Variants in TK2 observed in about 807,000 individuals in gnomAD.
The protein encoded by TK2 is thymidine kinase 2, mitochondrial.
In TK2, 35 loss-of-function variants were observed where a neutral mutation model predicts 41.9. The ratio of observed to expected loss-of-function variants is 0.84; its 90% confidence interval spans 0.64 to 1.11. The LOEUF (loss-of-function observed/expected upper bound fraction) is 1.11. Among genes scored for constraint, TK2 ranks in the 50% least tolerant of loss-of-function variants. The pLI is 0.00. For missense variants in TK2, 320 were observed against 351.1 expected, an observed-to-expected ratio of 0.91 and a Z score of 0.71; for synonymous variants, 128 against 129.1, an observed-to-expected ratio of 0.99 and a Z score of 0.06.
In TK2 at chr16:66,528,863, C is replaced by T. The variant is rs567502208; in HGVS notation, c.449+131G>A. 160 of 847,504 alleles carry T rather than the reference C, an allele frequency of 1.9e-4. 1 individual carries two copies. The South Asian group carries it at 2.2e-3, about 12-fold the overall frequency. The allele number at this position is 847,504 out of a possible 1,614,324, so 52.5% of individuals were successfully genotyped here. A position where few individuals can be genotyped will look rare whatever the true frequency, so the allele number is the denominator to read the frequency against. On this transcript the variant is annotated intron_variant, in intron 6 of 9. Coordinates refer to ENST00000544898, the MANE Select transcript of TK2 (RefSeq NM_004614.5). ...GAGGATTCGTGGCTGTTTGTTACACCGCATTGCTATGGCAATGGATAACTG... is the reference window on the plus strand; with the variant it reads ...GAGGATTCGTGGCTGTTTGTTACACTGCATTGCTATGGCAATGGATAACTG...
intron 5 of TK2, among the ~76,000 whole-genome samples, chr16:66,531,160 C>G (rs555011251): frequency 1.3e-5 from 2 of 152,282 alleles, no homozygotes; most frequent in East Asian, 3.9e-4. Context: ...AGAATGGTGG[C>G]AGGGGCACCA....
chr16:66,540,425 A>G (rs1597104808), intron 3 of TK2, among the ~76,000 whole-genome samples: 1 of 152,034 alleles, frequency 6.6e-6, no homozygotes, highest in African/African-American at 2.4e-5. Flanking sequence ...CTCCCCCTTC[A>G]GCCTCCTAAA....
At chr16:66,527,869 A>G (rs376951329) in intron 6 of TK2, among the ~76,000 whole-genome samples, 85 of 152,132 alleles carry the variant, frequency 5.6e-4, no homozygotes, top group African/African-American at 1.8e-3. Flanking sequence ...GCCTCTACTA[A>G]AAATACAAAA....
intron 6 of TK2, chr16:66,525,012 G>C (rs1033692173): frequency 2.0e-5 from 3 of 152,264 alleles, no homozygotes; most frequent in Admixed American, 6.5e-5. Context: ...GTTCCTGCCC[G>C]ATCAGGAAGG....
intron 6 of TK2, among the ~76,000 whole-genome samples, chr16:66,528,317 G>A (rs1964998167): frequency 2.0e-5 from 3 of 152,214 alleles, no homozygotes; most frequent in African/African-American, 7.2e-5. Flanking sequence ...CCATGCCTGA[G>A]CCCTTGGCAC....
chr16:66,527,947 G>C (rs1013298807), intron 6 of TK2, among the ~76,000 whole-genome samples: 1 of 152,164 alleles, frequency 6.6e-6, no homozygotes, highest in African/African-American at 2.4e-5. Context: ...CAGGACGATG[G>C]CTTGAGCCTG....
chr16:66,527,719 C>A (rs549144005), intron 6 of TK2, among the ~76,000 whole-genome samples: 2 of 152,100 alleles, frequency 1.3e-5, no homozygotes, highest in African/African-American at 4.8e-5. Flanking sequence ...AGAAAACTAA[C>A]AGAAAGTAGT....
Position 66,508,353 on chromosome 16 carries a change from AGT to A in TK2, c.*3613_*3614del, listed in dbSNP as rs1335920339. ...GGGGATGGGATTATTAGGAAAAGAA[AGT>A]GTGTGCCAGTAACCCTGAGGCCTTC... On this transcript the variant is annotated 3_prime_UTR_variant, in exon 10 of 10. Coordinates refer to ENST00000544898, the MANE Select transcript of TK2 (RefSeq NM_004614.5). The A allele has an allele frequency of 6.6e-6, 1 of 152,282 alleles. No individual in the cohort carries two copies. Among genetic ancestry groups the A allele is most frequent in the Non-Finnish European group, 1.5e-5 (1 of 68,060 alleles). 9.4% of individuals were successfully genotyped at this position (152,282 alleles called of 1,614,324 possible).
intron 6 of TK2, among the ~76,000 whole-genome samples, chr16:66,528,123 G>C (rs899522834): frequency 6.6e-6 from 1 of 152,132 alleles, no homozygotes; most frequent in Non-Finnish European, 1.5e-5. Context: ...TGGGAGACAG[G>C]GTGGCATTTA....
chr16:66,524,613 C>T (rs1454637052), intron 6 of TK2, among the ~76,000 whole-genome samples: 2 of 152,164 alleles, frequency 1.3e-5, no homozygotes, highest in African/African-American at 4.8e-5. Flanking sequence ...GCTGGGATTA[C>T]AAGTATAAGC....
intron 4 of TK2, among the ~76,000 whole-genome samples, chr16:66,532,263 C>T (rs1277115597): frequency 1.3e-5 from 2 of 151,896 alleles, no homozygotes; most frequent in Admixed American, 1.3e-4. Flanking sequence ...AGTGAACAAC[C>T]TGAGAAAGAA....
intron 2 of TK2, chr16:66,547,975 G>T: frequency 7.8e-7 from 1 of 1,288,724 alleles, no homozygotes; most frequent in Non-Finnish European, 1.0e-6. Flanking sequence ...GCTCACACTT[G>T]TCATCACAGC....
chr16:66,533,335 C>CAAAA (rs57612451), intron 4 of TK2, among the ~76,000 whole-genome samples: 4 of 45,074 alleles, frequency 8.9e-5, no homozygotes, highest in African/African-American at 2.1e-4. Context: ...GACTCCATCT[C>CAAAA]AAAAAAAAAA....
Position 66,509,279 on chromosome 16 carries a change from C to A in TK2, c.*2689G>T. On this transcript the variant is annotated 3_prime_UTR_variant, in exon 10 of 10. Transcript: ENST00000544898. ...CAGTCAGGCCCCAGAGGAAGGAAGCCAGGAGCCAAGAGGTGGACCCAAAAG... is the reference window on the plus strand; with the variant it reads ...CAGTCAGGCCCCAGAGGAAGGAAGCAAGGAGCCAAGAGGTGGACCCAAAAG... 6.6e-6 allele frequency: 1 copy of A among 152,480 alleles called. No homozygotes were observed. 9.4% of individuals were successfully genotyped at this position (152,480 alleles called of 1,614,324 possible). A position where few individuals can be genotyped will look rare whatever the true frequency, so the allele number is the denominator to read the frequency against.
chr16:66,517,889 G>A lies in TK2; in HGVS notation c.450-12C>T. The A allele has an allele frequency of 6.2e-7, 1 of 1,611,076 alleles. No individual in the cohort carries two copies. Among genetic ancestry groups the A allele is most frequent in the South Asian group, 1.1e-5 (1 of 91,010 alleles). ...CTGGCATCTTCCCACTGCAATGAGAGTTGTAAGGGCTTATTCACCTAAGAG... is the reference window on the plus strand; with the variant it reads ...CTGGCATCTTCCCACTGCAATGAGAATTGTAAGGGCTTATTCACCTAAGAG... On this transcript the variant is annotated splice_polypyrimidine_tract_variant and intron_variant, in intron 6 of 9. Transcript: ENST00000544898. The surrounding 1 kb of genome is among the most constrained non-coding windows in gnomAD (Gnocchi z 4.3).
At chr16:66,529,357 T>C (rs530339025) in intron 5 of TK2, among the ~76,000 whole-genome samples, 4 of 152,286 alleles carry the variant, frequency 2.6e-5, no homozygotes, top group South Asian at 4.1e-4. Context: ...AGCTGCCTCT[T>C]TGATGGCAGG....
At chr16:66,533,782 C>T (rs965190968) in intron 4 of TK2, among the ~76,000 whole-genome samples, 11 of 151,908 alleles carry the variant, frequency 7.2e-5, no homozygotes, top group Admixed American at 2.6e-4. Context: ...CCGAGGTGCG[C>T]GGATCACGAG....
chr16:66,547,922 C>T (rs1362283299), intron 2 of TK2: 2 of 1,284,434 alleles, frequency 1.6e-6, no homozygotes, highest in Non-Finnish European at 2.0e-6. Context: ...GCCCAGCTCA[C>T]ATCAATGCTA....
intron 3 of TK2, among the ~76,000 whole-genome samples, chr16:66,540,535 A>G (rs1965428301): frequency 6.6e-6 from 1 of 152,228 alleles, no homozygotes; most frequent in African/African-American, 2.4e-5. Context: ...GAAAATGACT[A>G]TAAAAGTATA....
Sources: gnomAD v4.1 joint callset for allele counts (sites outside exome capture counted in the v4.1 genomes callset) on GRCh38, gnomAD v4.1.1 for gene constraint, Gnocchi (gnomAD v3.1) non-coding constraint, MANE v1.5 for transcripts, NCBI Gene and HGNC (gene_info 2026-07-23, HGNC 2026-07-21) for gene names.